PGCKA1: variants seen among roughly 807,000 people sequenced by gnomAD.
PGCKA1 encodes PDCD10 and GCKIII kinases associated 1.
chr4:37,569,286 C>T, the PGCKA1 span, among the ~76,000 whole-genome samples: 1 of 151,946 alleles, frequency 6.6e-6, no homozygotes, highest in Non-Finnish European at 1.5e-5. Flanking sequence ...CAACCTCCGC[C>T]TCCCAGGTTC....
the PGCKA1 span, among the ~76,000 whole-genome samples, chr4:37,480,518 A>T: frequency 2.6e-5 from 4 of 152,118 alleles, no homozygotes; most frequent in Non-Finnish European, 5.9e-5. Flanking sequence ...AAACAAAAAA[A>T]ACTGAGAGGG....
At chr4:37,472,266 G>T in the PGCKA1 span, among the ~76,000 whole-genome samples, 180 of 152,250 alleles carry the variant, frequency 1.2e-3, no homozygotes, top group African/African-American at 4.1e-3. Flanking sequence ...CAGAGGATAA[G>T]GTGTTCCTTT....
the PGCKA1 span, among the ~76,000 whole-genome samples, chr4:37,507,471 T>G: frequency 2.0e-5 from 3 of 152,276 alleles, no homozygotes; most frequent in South Asian, 6.2e-4. Flanking sequence ...GGTTACCATC[T>G]GGTTTGCAAA....
chr4:37,526,048 A>G, the PGCKA1 span, among the ~76,000 whole-genome samples: 3 of 152,366 alleles, frequency 2.0e-5, no homozygotes, highest in Non-Finnish European at 1.5e-5. Context: ...CATACTGTTT[A>G]TGATGTAGTA....
chr4:37,546,211 C>T, the PGCKA1 span, among the ~76,000 whole-genome samples: 2,707 of 152,266 alleles, frequency 0.018, 35 homozygotes, highest in Non-Finnish European at 0.028. Flanking sequence ...AAGACCCTCT[C>T]ATATTGTTTT....
chr4:37,582,851 GTCC>G, the PGCKA1 span, among the ~76,000 whole-genome samples: 32 of 152,092 alleles, frequency 2.1e-4, no homozygotes, highest in Non-Finnish European at 4.1e-4. Flanking sequence ...TAAATATCCT[GTCC>G]TCCTCAAAAT....
chr4:37,510,680 T>C, the PGCKA1 span, among the ~76,000 whole-genome samples: 1 of 152,174 alleles, frequency 6.6e-6, no homozygotes, highest in South Asian at 2.1e-4. Context: ...CAGCCCTGGT[T>C]CTCACCCAAG....
the PGCKA1 span, among the ~76,000 whole-genome samples, chr4:37,494,640 C>A: frequency 1.3e-5 from 2 of 152,164 alleles, no homozygotes; most frequent in Non-Finnish European, 2.9e-5. Flanking sequence ...GGTATATACC[C>A]AGTAATGGGA....
chr4:37,532,104 C>G, the PGCKA1 span, among the ~76,000 whole-genome samples: 1 of 152,002 alleles, frequency 6.6e-6, no homozygotes, highest in African/African-American at 2.4e-5. Flanking sequence ...ATGGCAGGAG[C>G]ATTTACACCA....
chr4:37,512,460 T>C, the PGCKA1 span, among the ~76,000 whole-genome samples: 2 of 149,372 alleles, frequency 1.3e-5, no homozygotes. Context: ...ATTTCTTTTT[T>C]TTTTTTTTTT....
chr4:37,568,457 C>T, the PGCKA1 span, among the ~76,000 whole-genome samples: 1 of 152,246 alleles, frequency 6.6e-6, no homozygotes, highest in Non-Finnish European at 1.5e-5. Context: ...TCTCCCTGGT[C>T]TGAGAGCCTC....
the PGCKA1 span, among the ~76,000 whole-genome samples, chr4:37,583,136 C>G: frequency 6.6e-6 from 1 of 152,138 alleles, no homozygotes; most frequent in Non-Finnish European, 1.5e-5. Flanking sequence ...TCCAGTTGTT[C>G]CACATTTGGC....
At chr4:37,564,285 A>G in the PGCKA1 span, among the ~76,000 whole-genome samples, 1 of 142,020 alleles carries the variant, frequency 7.0e-6, no homozygotes, top group East Asian at 2.2e-4. Flanking sequence ...AAAAAAAAAA[A>G]AAAAAGAAAG....
the PGCKA1 span, among the ~76,000 whole-genome samples, chr4:37,458,813 G>A: frequency 6.6e-6 from 1 of 152,152 alleles, no homozygotes; most frequent in African/African-American, 2.4e-5. Context: ...TTAGAAAATG[G>A]CATGGATTCA....
At chr4:37,471,088 A>C in the PGCKA1 span, among the ~76,000 whole-genome samples, 1 of 152,246 alleles carries the variant, frequency 6.6e-6, no homozygotes, top group African/African-American at 2.4e-5. Context: ...TTCTAAAAGA[A>C]AAACATTAAC....
chr4:37,527,959 A>G, the PGCKA1 span, among the ~76,000 whole-genome samples: 1 of 152,338 alleles, frequency 6.6e-6, no homozygotes, highest in South Asian at 2.1e-4. Flanking sequence ...TACACCATCT[A>G]GATTTGGGTA....
chr4:37,491,388 T>C, the PGCKA1 span, among the ~76,000 whole-genome samples: 1 of 152,240 alleles, frequency 6.6e-6, no homozygotes, highest in Non-Finnish European at 1.5e-5. Flanking sequence ...TGACTATATG[T>C]GATATTCAGA....
At chr4:37,490,422 G>T in the PGCKA1 span, among the ~76,000 whole-genome samples, 1 of 152,088 alleles carries the variant, frequency 6.6e-6, no homozygotes, top group Non-Finnish European at 1.5e-5. Flanking sequence ...TACTAGAAAC[G>T]TGTAGGAGTG....
the PGCKA1 span, among the ~76,000 whole-genome samples, chr4:37,582,258 G>T: frequency 6.6e-6 from 1 of 152,128 alleles, no homozygotes; most frequent in Non-Finnish European, 1.5e-5. Context: ...TTATAAAGGT[G>T]CTTGTTGGTG....
Sources: gnomAD v4.1 joint callset for allele counts (sites outside exome capture counted in the v4.1 genomes callset) on GRCh38, gnomAD v4.1.1 for gene constraint, MANE v1.5 for transcripts, NCBI Gene and HGNC (gene_info 2026-07-23, HGNC 2026-07-21) for gene names.